The following ADARB2 variants were observed in gnomAD, a reference collection of about 807,000 sequenced individuals.
The protein encoded by ADARB2 is inactive double-stranded RNA-specific editase B2.
Under a neutral mutation model 62.2 loss-of-function variants are expected in ADARB2, and 25 were observed. The ratio of observed to expected loss-of-function variants is 0.40; its 90% confidence interval spans 0.29 to 0.56. The LOEUF is 0.56. Among genes scored for constraint, ADARB2 ranks in the 20% least tolerant of loss-of-function variants. The pLI, the probability that ADARB2 is intolerant of heterozygous loss-of-function variation, is 0.43. For synonymous variants in ADARB2, 572 were observed against 500.8 expected (o/e 1.14, Z -1.90); for missense variants, 1,071 against 1,077.4 (o/e 0.99, Z 0.08).
Position 1,426,219 on chromosome 10 carries a change from C to CCAAG in ADARB2, c.101-47063_101-47060dup, listed in dbSNP as rs1475566230. Among the ~76,000 whole-genome samples, 1 of 152,000 alleles carries CCAAG rather than the reference C, an allele frequency of 6.6e-6. No homozygotes were observed. Among genetic ancestry groups the CCAAG allele is most frequent in the East Asian group, 1.9e-4 (1 of 5,164 alleles). ...TTGGGCTCCCTGGTGAGAGGTGAGG[C>CCAAG]CAAGCAATGCAGCACACAGATGAGC... is the stretch of plus-strand genomic sequence containing the variant. On this transcript the variant is annotated intron_variant, in intron 1 of 9. Transcript: ENST00000381312. The surrounding 1 kb of genome is among the most constrained non-coding windows in gnomAD (Gnocchi z 4.1).
At chr10:1,435,197 T>C (rs61831774) in intron 1 of ADARB2, among the ~76,000 whole-genome samples, 19,961 of 152,104 alleles carry the variant, frequency 0.13, 1,491 homozygotes, top group East Asian at 0.28. Context: ...GGGAAGGTGG[T>C]GCTGGCTGGG....
intron 1 of ADARB2, among the ~76,000 whole-genome samples, chr10:1,409,152 G>A (rs1411608237): frequency 6.6e-6 from 1 of 151,112 alleles, no homozygotes; most frequent in East Asian, 2.0e-4. Flanking sequence ...CGGAGCCCCC[G>A]CATCCAGCCC....
chr10:1,679,033 T>A (rs1834503538), intron 1 of ADARB2, among the ~76,000 whole-genome samples: 1 of 152,184 alleles, frequency 6.6e-6, no homozygotes, highest in South Asian at 2.1e-4. Flanking sequence ...TCAGCTTCCA[T>A]CAGTCACGAT....
chr10:1,569,502 T>G (rs140352644), intron 1 of ADARB2, among the ~76,000 whole-genome samples: 1 of 152,266 alleles, frequency 6.6e-6, no homozygotes, highest in African/African-American at 2.4e-5. Context: ...CCTAACGAGG[T>G]CAGCAAAGGT....
chr10:1,353,783 C>T (rs186433895), intron 3 of ADARB2, among the ~76,000 whole-genome samples: 205 of 152,230 alleles, frequency 1.3e-3, no homozygotes, highest in African/African-American at 4.5e-3. Flanking sequence ...CTTCCAGTTC[C>T]GTATAACAGA....
At chr10:1,392,545 C>T (rs1434587305) in intron 1 of ADARB2, among the ~76,000 whole-genome samples, 10 of 126,626 alleles carry the variant, frequency 7.9e-5, no homozygotes, top group African/African-American at 1.9e-4. Flanking sequence ...TTAACCTCCA[C>T]GCAGGCAGGA....
At chr10:1,609,797 C>T (rs1023452867) in intron 1 of ADARB2, among the ~76,000 whole-genome samples, 6 of 152,224 alleles carry the variant, frequency 3.9e-5, no homozygotes, top group African/African-American at 1.4e-4. Flanking sequence ...CGCCCTGTGT[C>T]TGTGGTCATG....
chr10:1,523,821 C>T (rs1043804480), intron 1 of ADARB2, among the ~76,000 whole-genome samples: 1 of 152,114 alleles, frequency 6.6e-6, no homozygotes, highest in African/African-American at 2.4e-5. Flanking sequence ...ATCTGTCATC[C>T]TTTTAATCTC....
At chr10:1,731,188 G>A (rs182685518) in intron 1 of ADARB2, among the ~76,000 whole-genome samples, 4 of 152,290 alleles carry the variant, frequency 2.6e-5, no homozygotes, top group African/African-American at 4.8e-5. Flanking sequence ...TGGTTTCCGG[G>A]AAAATGGATT....
At chr10:1,406,033 A>G (rs1420552126) in intron 1 of ADARB2, among the ~76,000 whole-genome samples, 1 of 152,184 alleles carries the variant, frequency 6.6e-6, no homozygotes, top group African/African-American at 2.4e-5. Context: ...CCCTTCGCCA[A>G]GATACACCCA....
rs1171211276 is a variant in ADARB2 at position 1,510,093 on chromosome 10, C to CTTT, written c.101-130934_101-130933insAAA. Among the ~76,000 whole-genome samples, 696 of 136,054 alleles carry CTTT rather than the reference C, an allele frequency of 5.1e-3. 6 individuals carry two copies. Among genetic ancestry groups the CTTT allele is most frequent in the African/African-American group, 0.01 (377 of 36,838 alleles). The allele number at this position is 136,054 out of a possible 152,430, so 89.3% of individuals were successfully genotyped here. On this transcript the variant is annotated intron_variant, in intron 1 of 9. Transcript: ENST00000381312. Reference sequence around the variant, plus strand: ...TCTTTCTTTCTCTTTCTCTCTCTCTCTCTTTTCTTTCTTTCTCTCTTTCTT... The same window carrying CTTT: ...TCTTTCTTTCTCTTTCTCTCTCTCTCTTTTCTTTTCTTTCTTTCTCTCTTTCTT...
At chr10:1,682,616 T>G (rs1834552517) in intron 1 of ADARB2, among the ~76,000 whole-genome samples, 1 of 152,226 alleles carries the variant, frequency 6.6e-6, no homozygotes, top group Non-Finnish European at 1.5e-5. Context: ...CATCTCCCAC[T>G]GCAGTTAGCG....
intron 1 of ADARB2, among the ~76,000 whole-genome samples, chr10:1,485,397 A>T (rs1831527095): frequency 6.6e-6 from 1 of 152,100 alleles, no homozygotes; most frequent in Non-Finnish European, 1.5e-5. Context: ...TCTCTACCTA[A>T]GAGGCATGGA....
At chr10:1,522,002 A>G (rs1349378755) in intron 1 of ADARB2, among the ~76,000 whole-genome samples, 3 of 152,124 alleles carry the variant, frequency 2.0e-5, no homozygotes, top group Non-Finnish European at 4.4e-5. Context: ...CTCTTCAAAT[A>G]TTTTACAGAG....
At chr10:1,229,703 TATGTATGCG>T (rs1564228150) in intron 6 of ADARB2, among the ~76,000 whole-genome samples, 1 of 151,314 alleles carries the variant, frequency 6.6e-6, no homozygotes, top group Non-Finnish European at 1.5e-5. Flanking sequence ...CACATGTGCT[TATGTATGCG>T]TGTTCATGTG....
At chr10:1,292,346 A>G (rs774096676) in intron 3 of ADARB2, 1 of 152,242 alleles carries the variant, frequency 6.6e-6, no homozygotes, top group Non-Finnish European at 1.5e-5. Context: ...TAAAAGTTGC[A>G]TATATTACTG....
intron 1 of ADARB2, among the ~76,000 whole-genome samples, chr10:1,523,200 T>C (rs1035596548): frequency 6.6e-6 from 1 of 152,238 alleles, no homozygotes; most frequent in Non-Finnish European, 1.5e-5. Flanking sequence ...TATCTGTGAA[T>C]TTCTGTTTAA....
intron 1 of ADARB2, among the ~76,000 whole-genome samples, chr10:1,581,988 G>T (rs2676723): frequency 3.3e-5 from 5 of 151,938 alleles, no homozygotes; most frequent in Non-Finnish European, 7.4e-5. Context: ...TACTCACTGC[G>T]GTCCACTGAG....
At chr10:1,672,453 A>G (rs1834398754) in intron 1 of ADARB2, among the ~76,000 whole-genome samples, 1 of 152,176 alleles carries the variant, frequency 6.6e-6, no homozygotes, top group Admixed American at 6.5e-5. Flanking sequence ...TGAGAAGGAA[A>G]ACAAAATCCC....
Sources: allele counts gnomAD v4.1 joint callset (sites outside exome capture counted in the v4.1 genomes callset), GRCh38; gene constraint gnomAD v4.1.1; non-coding constraint Gnocchi (gnomAD v3.1); transcripts MANE v1.5; gene names NCBI Gene and HGNC (gene_info 2026-07-23, HGNC 2026-07-21).